Variants in ERAP2 observed in about 807,000 individuals in gnomAD.
ERAP2 encodes leukocyte-derived arginine aminopeptidase.
In ERAP2, 118 loss-of-function variants were observed where a neutral mutation model predicts 111.1. That is an observed-to-expected ratio of 1.06 (90% CI 0.92 to 1.24). The LOEUF (loss-of-function observed/expected upper bound fraction) is 1.24. ERAP2 is among the 50% of genes most tolerant of loss of function. ERAP2 has a pLI of 0.00. For missense variants in ERAP2, 1,131 were observed against 1,125.8 expected (o/e 1.00, Z -0.07); for synonymous variants, 410 against 401.2 (o/e 1.02, Z -0.26).
At chr5:96,891,345 GTA>G (rs1784329652) in intron 5 of ERAP2, among the ~76,000 whole-genome samples, 1 of 132,438 alleles carries the variant, frequency 7.6e-6, no homozygotes, top group Non-Finnish European at 1.6e-5. Context: ...ACCTGTATAT[GTA>G]TATGTGTGTG....
chr5:96,917,726 G>C lies in ERAP2; in HGVS notation c.*121G>C. 1 of 686,000 alleles carries C rather than the reference G, an allele frequency of 1.5e-6. No homozygotes were observed. The highest frequency in any genetic ancestry group is 3.9e-5 in the East Asian group (1 of 25,682). The allele number at this position is 686,000 out of a possible 1,614,324, so 42.5% of individuals were successfully genotyped here. A position where few individuals can be genotyped will look rare whatever the true frequency, so the allele number is the denominator to read the frequency against. ...TGGAGACCATCCTGGCTAACACGGT[G>C]AGACCCCGTCTCCGCTAAAAATACA... On this transcript the variant is annotated 3_prime_UTR_variant, in exon 19 of 19. Transcript: ENST00000437043.
Position 96,901,588 on chromosome 5 carries a change from T to C in ERAP2, c.1655T>C (p.Val552Ala). The change falls in exon 11 of 19, where the codon GTT becomes GCT. Residue 552 changes from valine (V) to alanine (A), a missense_variant. Around this residue, in one of 3 missense-constraint regions of ERAP2, gnomAD observed 847 missense variants for 856.5 expected, o/e 0.99. Coordinates refer to ENST00000437043, the MANE Select transcript of ERAP2 (RefSeq NM_022350.5). The stretch of plus-strand genomic sequence containing the variant: ...CAGAAAGGAATCCCCCTGCTGGTGG[T>C]TAAACAAGACGGGTGTTCACTCCGA... Reference protein sequence around the residue: ...TLQKGIPLLVVKQDGCSLRLQ... With the variant: ...TLQKGIPLLVAKQDGCSLRLQ... 1 of 1,614,098 alleles carries C rather than the reference T, an allele frequency of 6.2e-7. No individual in the cohort carries two copies. The highest frequency in any genetic ancestry group is 8.5e-7 in the Non-Finnish European group (1 of 1,179,982).
At chr5:96,903,221 C>G (rs1785671353) in intron 12 of ERAP2, among the ~76,000 whole-genome samples, 156 bp from the exon 13 acceptor site, 1 of 152,196 alleles carries the variant, frequency 6.6e-6, no homozygotes, top group African/African-American at 2.4e-5. Context: ...CAAAAGAAAT[C>G]ATCCAGTGAA....
chr5:96,893,758 C>A (rs1242705797), intron 6 of ERAP2, among the ~76,000 whole-genome samples: 3 of 152,166 alleles, frequency 2.0e-5, no homozygotes, highest in Non-Finnish European at 4.4e-5. Flanking sequence ...TGTGCATAAC[C>A]CTGGCAAAGA....
rs141722303 is a variant in ERAP2, at chr5:96,903,477, C to A, written c.1929C>A (p.Leu643=). 1.9e-5 allele frequency: 30 copies of A among 1,613,906 alleles called. No homozygotes were observed. The highest frequency in any genetic ancestry group is 2.5e-5 in the Non-Finnish European group (29 of 1,179,958). ...VHYEGHGWDQ[L]ITQLNQNHTL... is the part of the protein sequence containing the mutation. ...ATGAGGGTCATGGATGGGACCAACT[C>A]ATTACACAGCTGAATCAGAACCACA... Residue 643 remains leucine (L), a synonymous_variant, in exon 13 of 19, where the codon CTC becomes CTA. Coordinates refer to ENST00000437043, the MANE Select transcript of ERAP2 (RefSeq NM_022350.5).
At chr5:96,909,848 C>A in intron 15 of ERAP2, 84 bp downstream of exon 15, 1 of 1,368,162 alleles carries the variant, frequency 7.3e-7, no homozygotes, top group Non-Finnish European at 9.9e-7. Flanking sequence ...AGGTCTAAAA[C>A]CTTTTAGTGA....
rs915945750 is a variant in ERAP2, at chr5:96,883,780, G to C, written c.576-12G>C. The C allele has an allele frequency of 1.2e-6, 2 of 1,607,670 alleles. No individual in the cohort carries two copies. Among genetic ancestry groups the C allele is most frequent in the African/African-American group, 2.7e-5 (2 of 74,542 alleles). Reference sequence around the variant, plus strand: ...ACTTGTGCATTTTGGCTGGGGGTGGGTCTTTTCACAGAATTCTTGCAGTAA... The same window carrying C: ...ACTTGTGCATTTTGGCTGGGGGTGGCTCTTTTCACAGAATTCTTGCAGTAA... On this transcript the variant is annotated splice_polypyrimidine_tract_variant and intron_variant, in intron 2 of 18. Coordinates refer to ENST00000437043, the MANE Select transcript of ERAP2 (RefSeq NM_022350.5).
At position 96,895,376 on chromosome 5, in the gene ERAP2, G is replaced by T; in HGVS notation, c.1239+17G>T. 1 of 1,467,164 alleles carries T rather than the reference G, an allele frequency of 6.8e-7. No individual in the cohort carries two copies. 90.9% of individuals were successfully genotyped at this position (1,467,164 alleles called of 1,614,324 possible). On this transcript the variant is annotated intron_variant, in intron 7 of 18. Coordinates refer to ENST00000437043, the MANE Select transcript of ERAP2 (RefSeq NM_022350.5). The stretch of plus-strand genomic sequence containing the variant: ...CTGCAATTTGTAAGTTCACAATTCT[G>T]TGTATCATACTATATGGTGTAAAGA...
intron 9 of ERAP2, 102 bp downstream of exon 9, chr5:96,896,965 T>TAAGACATATGTTGGGTAACGATAGACTG: frequency 1.0e-6 from 1 of 987,684 alleles, no homozygotes; most frequent in Non-Finnish European, 1.4e-6. Context: ...GTCAACCATA[T>TAAGACATATGTTGGGTAACGATAGACTG]TTATTCTGCT....
At chr5:96,905,164 G>C (rs1785912495) in intron 13 of ERAP2, among the ~76,000 whole-genome samples, 1 of 152,180 alleles carries the variant, frequency 6.6e-6, no homozygotes, top group African/African-American at 2.4e-5. Context: ...TATTTGAAAT[G>C]TCATGACATG....
intron 14 of ERAP2, 64 bp downstream of exon 14, chr5:96,909,181 C>A: frequency 6.5e-7 from 1 of 1,539,964 alleles, no homozygotes; most frequent in Non-Finnish European, 8.9e-7. Flanking sequence ...CAGTCAGGCT[C>A]AGTTTGTTTT....
At chr5:96,889,353 T>G (rs752874656) in intron 5 of ERAP2, 48 bp downstream of exon 5, 2 of 1,602,736 alleles carry the variant, frequency 1.2e-6, no homozygotes, top group Non-Finnish European at 1.7e-6. Flanking sequence ...TCATAAAACT[T>G]GCTTTGATCT....
rs1323074629 is a variant in ERAP2 at position 96,902,273 on chromosome 5, G to A, written c.1749-1G>A. The A allele has an allele frequency of 2.5e-6, 4 of 1,592,924 alleles. 1 individual carries two copies. Among genetic ancestry groups the A allele is most frequent in the Middle Eastern group, 3.3e-4 (2 of 6,038 alleles). ...GTAACTATCTTTACTCTCTGTCATA[G>A]GTACCTGTGGCATATCCCATTGACC... On this transcript the variant is annotated splice_acceptor_variant, in intron 11 of 18. Transcript: ENST00000437043. LOFTEE classifies it high-confidence loss of function.
At chr5:96,916,484 C>T (rs1179876786) in intron 18 of ERAP2, among the ~76,000 whole-genome samples, 5 of 94,650 alleles carry the variant, frequency 5.3e-5, no homozygotes, top group East Asian at 3.0e-4. Flanking sequence ...TTTTTTGAGG[C>T]GGAGTCTTGC....
Position 96,909,592 on chromosome 5 carries a change from C to T in ERAP2, c.2182C>T (p.Gln728Ter). 2 of 1,613,906 alleles carry T rather than the reference C, an allele frequency of 1.2e-6. No homozygotes were observed. The highest frequency in any genetic ancestry group is 1.7e-6 in the Non-Finnish European group (2 of 1,179,820). ...ATATTTTCTGCAGCGTTACCTTCTT[C>T]AGTATTTTAAGCCAGTGATTGACAG... The part of the protein sequence containing the change: ...ISENLKRYLL[Q>*]YFKPVIDRQS... The change falls in exon 15 of 19, where the codon CAG becomes TAG. Residue 728 changes from glutamine (Q) to a stop codon, truncating the protein, a stop_gained. Transcript: ENST00000437043. LOFTEE classifies it high-confidence loss of function.
At chr5:96,896,535 T>C in intron 8 of ERAP2, 31 bp downstream of exon 8, 1 of 1,564,212 alleles carries the variant, frequency 6.4e-7, no homozygotes, top group Non-Finnish European at 8.6e-7. Flanking sequence ...GTGGAAGCTC[T>C]GCTTTCAGAA....
chr5:96,888,040 G>A (rs1318678001), intron 4 of ERAP2, among the ~76,000 whole-genome samples: 4 of 151,668 alleles, frequency 2.6e-5, no homozygotes, highest in Admixed American at 1.3e-4. Context: ...CAGGAGAATC[G>A]CTTGAACCCG....
intron 17 of ERAP2, among the ~76,000 whole-genome samples, chr5:96,913,786 A>G (rs969906121): frequency 6.6e-6 from 1 of 152,170 alleles, no homozygotes; most frequent in Non-Finnish European, 1.5e-5. Context: ...AAGAATCCCA[A>G]GATGCCTTGT....
At position 96,883,704 on chromosome 5, in the gene ERAP2, G is replaced by A. The variant is rs1783404032; in HGVS notation, c.576-88G>A. On this transcript the variant is annotated intron_variant, in intron 2 of 18. Coordinates refer to ENST00000437043, the MANE Select transcript of ERAP2 (RefSeq NM_022350.5). ...GAGAAATCAAGTCTATTACCCCCAG[G>A]TTTGATAAGCTGTTTGCTGAATGTA... 2.2e-6 allele frequency: 3 copies of A among 1,365,096 alleles called. No individual in the cohort carries two copies. In the South Asian group the frequency reaches 4.4e-5, roughly 20 times the overall value. The allele number at this position is 1,365,096 out of a possible 1,614,324, so 84.6% of individuals were successfully genotyped here.
Sources: gnomAD v4.1 joint callset for allele counts (sites outside exome capture counted in the v4.1 genomes callset) on GRCh38, gnomAD v4.1.1 for gene constraint, gnomAD v4.1.1 regional missense constraint, MANE v1.5 for transcripts, NCBI Gene and HGNC (gene_info 2026-07-23, HGNC 2026-07-21) for gene names.